The following NSD1 variants were observed in gnomAD, a reference collection of about 807,000 sequenced individuals.
NSD1 encodes the protein histone-lysine N-methyltransferase, H3 lysine-36 specific.
A neutral mutation model predicts 242.7 loss-of-function variants in NSD1; 26 were observed. The ratio of observed to expected loss-of-function variants is 0.11; its 90% CI spans 0.08 to 0.15. The LOEUF (loss-of-function observed/expected upper bound fraction) is 0.15. NSD1 is among the 10% of genes least tolerant of loss of function. The pLI, the probability that NSD1 is intolerant of heterozygous loss-of-function variation, is 1.00. For synonymous variants in NSD1, 1,106 were observed against 1,178.1 expected, an observed-to-expected ratio of 0.94 and a Z score of 1.25; for missense variants, 2,495 against 3,272.8, an observed-to-expected ratio of 0.76 and a Z score of 5.80.
Position 177,292,408 on chromosome 5 carries a change from C to A in NSD1, c.6463+250C>A, listed in dbSNP as rs537540896. Among the ~76,000 whole-genome samples, 534 of 152,268 alleles carry A rather than the reference C, an allele frequency of 3.5e-3. 1 individual carries two copies. Among genetic ancestry groups the A allele is most frequent in the Non-Finnish European group, 5.6e-3 (378 of 68,026 alleles). On this transcript the variant is annotated intron_variant, in intron 22 of 22. Coordinates refer to ENST00000439151, the MANE Select transcript of NSD1 (RefSeq NM_022455.5). ...CTTACAGTCATGTTTATTTCATTCC[C>A]CCAGCAGCCCATAATGGTTGGTTTT...
chr5:177,259,785 TTTGA>T (rs1469264686), intron 13 of NSD1, among the ~76,000 whole-genome samples, 200 bp from the exon 14 acceptor site: 1 of 152,212 alleles, frequency 6.6e-6, no homozygotes, highest in Non-Finnish European at 1.5e-5. Context: ...AGTTACGGGA[TTTGA>T]TTCCTTTTGG....
intron 2 of NSD1, among the ~76,000 whole-genome samples, chr5:177,147,306 C>G (rs1757332791): frequency 6.6e-6 from 1 of 152,012 alleles, no homozygotes; most frequent in Non-Finnish European, 1.5e-5. Flanking sequence ...GGGGTTTTAC[C>G]ATGTTGCTCA....
intron 14 of NSD1, chr5:177,265,692 TCTC>T (rs1314780033): frequency 7.5e-6 from 12 of 1,609,552 alleles, no homozygotes; most frequent in East Asian, 2.2e-5. Flanking sequence ...GTGCCGAAGA[TCTC>T]CTCGCCCGTC....
In NSD1 at chr5:177,260,211, T is replaced by A. The variant is rs759718047; in HGVS notation, c.5146+43T>A. 2.5e-6 allele frequency: 4 copies of A among 1,575,202 alleles called. No individual in the cohort carries two copies. In the South Asian group the frequency reaches 4.5e-5, roughly 18 times the overall value. On this transcript the variant is annotated intron_variant, in intron 14 of 22. Coordinates refer to ENST00000439151, the MANE Select transcript of NSD1 (RefSeq NM_022455.5). ...CCTCTATTTGTAGTCTAAAAAGGGA[T>A]TAAATCAATGTTTTAATTGGAACAA...
chr5:177,251,632 C>A (rs1336684086), intron 11 of NSD1, 98 bp from the exon 12 acceptor site: 3 of 1,291,190 alleles, frequency 2.3e-6, no homozygotes, highest in Non-Finnish European at 3.3e-6. Context: ...TCCTTTTCTG[C>A]CACTTTTAAC....
chr5:177,298,098 C>T lies in NSD1; in HGVS notation c.*2639C>T. ...CACTATCCAATTAGAAGCAGAGTCA[C>T]AACAACTGTTGGGAAATGTGACTCT... On this transcript the variant is annotated 3_prime_UTR_variant, in exon 23 of 23. Coordinates refer to ENST00000439151, the MANE Select transcript of NSD1 (RefSeq NM_022455.5). 1 of 232,972 alleles carries T rather than the reference C, an allele frequency of 4.3e-6. No homozygotes were observed. Among genetic ancestry groups the T allele is most frequent in the East Asian group, 6.0e-5 (1 of 16,576 alleles). The allele number at this position is 232,972 out of a possible 1,614,324, so 14.4% of individuals were successfully genotyped here. A position where few individuals can be genotyped will look rare whatever the true frequency, so the allele number is the denominator to read the frequency against.
intron 5 of NSD1, among the ~76,000 whole-genome samples, chr5:177,228,859 T>C (rs559815337): frequency 6.6e-6 from 1 of 152,240 alleles, no homozygotes; most frequent in South Asian, 2.1e-4. Flanking sequence ...TAATGTGTTA[T>C]GCAACCATCT....
intron 14 of NSD1, among the ~76,000 whole-genome samples, chr5:177,262,593 ACAAGGCTGGGCGC>A (rs1223333769): frequency 6.6e-6 from 1 of 152,256 alleles, no homozygotes; most frequent in Non-Finnish European, 1.5e-5. Flanking sequence ...TAATACAGCT[ACAAGGCTGGGCGC>A]CATGGCTCAT....
At position 177,207,194 on chromosome 5, in the gene NSD1, G is replaced by A. The variant is rs561436745; in HGVS notation, c.1237-2442G>A. On this transcript the variant is annotated intron_variant, in intron 4 of 22. Transcript: ENST00000439151. Reference sequence around the variant, plus strand: ...TAAGGTGACCCCCCGCCATCCCCCCGACCTTGGCCTCTCAAAATGCTAGGA... The same window carrying A: ...TAAGGTGACCCCCCGCCATCCCCCCAACCTTGGCCTCTCAAAATGCTAGGA... 3.5e-5 allele frequency among the ~76,000 whole-genome samples: 5 copies of A among 143,400 alleles called. 1 individual carries two copies. The highest frequency in any genetic ancestry group is 4.9e-4 in the East Asian group (2 of 4,050). The allele number at this position is 143,400 out of a possible 152,430, so 94.1% of individuals were successfully genotyped here. A position where few individuals can be genotyped will look rare whatever the true frequency, so the allele number is the denominator to read the frequency against.
chr5:177,249,528 G>A (rs1408125826), intron 11 of NSD1, among the ~76,000 whole-genome samples: 13 of 151,940 alleles, frequency 8.6e-5, no homozygotes, highest in East Asian at 1.9e-4. Context: ...GTGCAGTGGC[G>A]CGATCTCTGC....
chr5:177,171,078 T>C (rs1026411642), intron 2 of NSD1, among the ~76,000 whole-genome samples: 6 of 150,558 alleles, frequency 4.0e-5, no homozygotes, highest in African/African-American at 1.5e-4. Context: ...ATCCCAGGAC[T>C]TTGGGAGGCC....
In NSD1 at chr5:177,209,685, A is replaced by T; in HGVS notation, c.1286A>T (p.Glu429Val). ...SKWEASVGLA[E>V]QYDVPKGSKN... Reference sequence around the variant, plus strand: ...TGGGAAGCCAGTGTTGGACTTGCAGAACAGTATGATGTTCCCAAGGGGTCA... The same window carrying T: ...TGGGAAGCCAGTGTTGGACTTGCAGTACAGTATGATGTTCCCAAGGGGTCA... The change falls in exon 5 of 23, where the codon GAA becomes GTA. Residue 429 changes from glutamate (E) to valine (V), a missense_variant. This residue lies in a region of NSD1 where 515 missense variants were observed against 467.0 expected (regional missense o/e 1.10). Transcript: ENST00000439151. The T allele has an allele frequency of 6.2e-7, 1 of 1,614,106 alleles. No homozygotes were observed. Among genetic ancestry groups the T allele is most frequent in the Non-Finnish European group, 8.5e-7 (1 of 1,180,004 alleles).
At position 177,211,810 on chromosome 5, in the gene NSD1, G is replaced by A; in HGVS notation, c.3411G>A (p.Leu1137=). The A allele has an allele frequency of 1.2e-6, 2 of 1,614,166 alleles. No homozygotes were observed. The highest frequency in any genetic ancestry group is 1.7e-6 in the Non-Finnish European group (2 of 1,180,046). The change falls in exon 5 of 23, where the codon CTG becomes CTA. Residue 1137 remains leucine (L), a synonymous_variant. Transcript: ENST00000439151. ...LSFENGKGPE[L]DSVMNSENDE... ...TTGAAAACGGAAAAGGCCCAGAGCTGGACTCTGTAATGAACAGTGAGAATG... is the reference window on the plus strand; with the variant it reads ...TTGAAAACGGAAAAGGCCCAGAGCTAGACTCTGTAATGAACAGTGAGAATG...
At chr5:177,293,134 G>A (rs1025658997) in intron 22 of NSD1, among the ~76,000 whole-genome samples, 1 of 152,222 alleles carries the variant, frequency 6.6e-6, no homozygotes, top group Admixed American at 6.5e-5. Context: ...GGCTATGATA[G>A]AACCAATCTT....
At chr5:177,180,390 G>A (rs532357597) in intron 2 of NSD1, among the ~76,000 whole-genome samples, 2 of 152,242 alleles carry the variant, frequency 1.3e-5, no homozygotes, top group South Asian at 4.1e-4. Flanking sequence ...ACAGGCATGA[G>A]CCACTGCACC....
intron 5 of NSD1, among the ~76,000 whole-genome samples, chr5:177,223,218 A>G (rs1336832462): frequency 6.6e-6 from 1 of 151,258 alleles, no homozygotes; most frequent in Admixed American, 6.6e-5. Context: ...AGTAGCTGGG[A>G]TTACAGGCAT....
chr5:177,206,302 A>AATTTTT (rs1229692847), intron 4 of NSD1, among the ~76,000 whole-genome samples: 14 of 151,788 alleles, frequency 9.2e-5, no homozygotes, highest in Admixed American at 2.6e-4. Flanking sequence ...GCCCAGCCCC[A>AATTTTT]ATTTTTATTT....
intron 16 of NSD1, among the ~76,000 whole-genome samples, chr5:177,270,926 G>A (rs1419576983): frequency 6.6e-6 from 1 of 152,194 alleles, no homozygotes; most frequent in Non-Finnish European, 1.5e-5. Flanking sequence ...GTACTGTGCT[G>A]TTAGTACTAA....
chr5:177,155,599 A>C (rs116108735), intron 2 of NSD1, among the ~76,000 whole-genome samples: 3,756 of 96,502 alleles, frequency 0.039, 50 homozygotes, highest in Middle Eastern at 0.056. Context: ...GGATGGTTTT[A>C]TTTTGCATGA....
Sources: gnomAD v4.1 joint callset for allele counts (sites outside exome capture counted in the v4.1 genomes callset) on GRCh38, gnomAD v4.1.1 for gene constraint, gnomAD v4.1.1 regional missense constraint, MANE v1.5 for transcripts, NCBI Gene and HGNC (gene_info 2026-07-23, HGNC 2026-07-21) for gene names.